Variants in SUSD1 observed in about 807,000 individuals in gnomAD.
The protein encoded by SUSD1 is sushi domain containing 1, also known as sushi domain-containing protein 1.
Under a neutral mutation model 86.9 loss-of-function variants are expected in SUSD1, and 65 were observed. The observed-to-expected ratio is 0.75, with a 90% CI of 0.61 to 0.92. The LOEUF (loss-of-function observed/expected upper bound fraction) is 0.92, where lower values mean the gene tolerates loss of function less well. Among genes scored for constraint, SUSD1 ranks in the 40% least tolerant of loss-of-function variants. SUSD1 has a pLI of 0.00. For synonymous variants in SUSD1, 346 were observed against 350.0 expected, an observed-to-expected ratio of 0.99 and a Z score of 0.13; for missense variants, 850 against 929.7, an observed-to-expected ratio of 0.91 and a Z score of 1.11.
At chr9:112,078,160 C>T (rs1295935918) in intron 12 of SUSD1, among the ~76,000 whole-genome samples, 3 of 152,110 alleles carry the variant, frequency 2.0e-5, no homozygotes, top group Non-Finnish European at 4.4e-5. Flanking sequence ...GCCTAGGCAA[C>T]ATAGTGAAAC....
At chr9:112,116,370 T>C (rs1362232355) in intron 6 of SUSD1, among the ~76,000 whole-genome samples, 1 of 152,186 alleles carries the variant, frequency 6.6e-6, no homozygotes, top group Non-Finnish European at 1.5e-5. Flanking sequence ...GCCTACAAAT[T>C]AGTTGGAAAG....
intron 1 of SUSD1, among the ~76,000 whole-genome samples, chr9:112,165,616 G>C (rs1430077982): frequency 6.6e-6 from 1 of 151,432 alleles, no homozygotes; most frequent in Non-Finnish European, 1.5e-5. Context: ...CACCATGTTG[G>C]CCAGGCTGGT....
chr9:112,089,833 GA>G (rs1830136044), intron 10 of SUSD1, among the ~76,000 whole-genome samples: 1 of 132,824 alleles, frequency 7.5e-6, no homozygotes, highest in Non-Finnish European at 1.6e-5. Flanking sequence ...AAAAAAAAAA[GA>G]AAAGAAAAGA....
intron 1 of SUSD1, among the ~76,000 whole-genome samples, chr9:112,160,461 T>C (rs112244599): frequency 0.034 from 5,171 of 152,262 alleles, 220 homozygotes; most frequent in African/African-American, 0.084. Flanking sequence ...AGAGAATCGC[T>C]TGAACCCAGA....
Position 112,078,717 on chromosome 9 carries a change from A to T in SUSD1, c.1574T>A (p.Ile525Asn). The change falls in exon 12 of 17, where the codon ATT (isoleucine) becomes AAT (asparagine). Residue 525 changes from isoleucine to asparagine, a missense_variant. Coordinates refer to ENST00000374270, the MANE Select transcript of SUSD1 (RefSeq NM_022486.5). The part of the protein sequence containing the change: ...ADMEEMYLFH[I>N]WGQRWYQKEF... ...CTTCTGATACCATCTCTGGCCCCAA[A>T]TGTGGAACTGAAACATAAAAAAGCT... The T allele has an allele frequency of 1.2e-6, 2 of 1,611,224 alleles. No homozygotes were observed. Among genetic ancestry groups the T allele is most frequent in the Non-Finnish European group, 1.7e-6 (2 of 1,177,664 alleles).
At chr9:112,048,466 T>G (rs983743529) in intron 15 of SUSD1, among the ~76,000 whole-genome samples, 6 of 152,220 alleles carry the variant, frequency 3.9e-5, no homozygotes, top group African/African-American at 1.4e-4. Flanking sequence ...GATGTAAGTC[T>G]TCTCTGGCTT....
rs1051606661 is a variant in SUSD1 at position 112,112,884 on chromosome 9, G to T, written c.887-16C>A. ...GTCAGAATTTCTAAAAGAGAAAAAG[G>T]CAGTCAACTCACAAAATGCATCAAT... On this transcript the variant is annotated splice_polypyrimidine_tract_variant and intron_variant, in intron 6 of 16. Transcript: ENST00000374270. The T allele has an allele frequency of 1.9e-6, 3 of 1,561,830 alleles. No individual in the cohort carries two copies. The highest frequency in any genetic ancestry group is 2.6e-6 in the Non-Finnish European group (3 of 1,132,972).
intron 2 of SUSD1, among the ~76,000 whole-genome samples, chr9:112,151,093 C>T (rs1380501286): frequency 6.6e-6 from 1 of 152,178 alleles, no homozygotes; most frequent in Non-Finnish European, 1.5e-5. Context: ...CAGGCACAAG[C>T]CATCGTGCCC....
At chr9:112,102,061 T>C (rs1830655013) in intron 9 of SUSD1, 115 bp downstream of exon 9, 3 of 531,880 alleles carry the variant, frequency 5.6e-6, no homozygotes, top group African/African-American at 2.0e-5. Context: ...GAAACAACAA[T>C]CACAAACTGT....
At chr9:112,094,458 A>T (rs1047419656) in intron 10 of SUSD1, among the ~76,000 whole-genome samples, 1 of 152,196 alleles carries the variant, frequency 6.6e-6, no homozygotes, top group Non-Finnish European at 1.5e-5. Context: ...TCTAGATAAG[A>T]AACTCTTTGG....
chr9:112,108,156 A>G (rs569121435), intron 8 of SUSD1, among the ~76,000 whole-genome samples: 29 of 152,376 alleles, frequency 1.9e-4, no homozygotes, highest in Middle Eastern at 3.4e-3. Flanking sequence ...AATAGTAATT[A>G]TATAATGCTT....
At chr9:112,174,393 C>A (rs1025201144) in intron 1 of SUSD1, among the ~76,000 whole-genome samples, 1 of 152,154 alleles carries the variant, frequency 6.6e-6, no homozygotes, top group Admixed American at 6.5e-5. Context: ...ATGAATGTCA[C>A]CTCCCCTGCG....
chr9:112,105,028 T>G (rs1440011926), intron 8 of SUSD1: 1 of 151,476 alleles, frequency 6.6e-6, no homozygotes, highest in East Asian at 1.9e-4. Context: ...AGATAAAGGA[T>G]TAGATAATAA....
At chr9:112,065,553 C>G (rs1165561186) in intron 12 of SUSD1, among the ~76,000 whole-genome samples, 2 of 152,086 alleles carry the variant, frequency 1.3e-5, no homozygotes, top group Non-Finnish European at 2.9e-5. Flanking sequence ...CACTGAATCC[C>G]CAAAGATTTT....
intron 1 of SUSD1, among the ~76,000 whole-genome samples, chr9:112,162,133 A>G (rs1448976772): frequency 6.6e-6 from 1 of 152,238 alleles, no homozygotes; most frequent in African/African-American, 2.4e-5. Flanking sequence ...GTTTTAACAA[A>G]TGTAGACAAC....
chr9:112,057,894 C>G (rs79673417), intron 14 of SUSD1, among the ~76,000 whole-genome samples: 10 of 152,256 alleles, frequency 6.6e-5, no homozygotes, highest in Non-Finnish European at 1.5e-4. Context: ...TAATGCAGCT[C>G]CATGATGTTT....
chr9:112,063,753 G>A (rs1037955142), intron 12 of SUSD1, among the ~76,000 whole-genome samples: 1 of 152,178 alleles, frequency 6.6e-6, no homozygotes, highest in African/African-American at 2.4e-5. Context: ...TCTGCCTTGT[G>A]GGTAACACGC....
At chr9:112,107,435 C>T (rs1054070086) in intron 8 of SUSD1, among the ~76,000 whole-genome samples, 63 of 151,924 alleles carry the variant, frequency 4.1e-4, no homozygotes, top group African/African-American at 1.4e-3. Context: ...GGCGACACAG[C>T]GAGATTCTGC....
intron 10 of SUSD1, among the ~76,000 whole-genome samples, chr9:112,091,844 G>C (rs1450574240): frequency 6.6e-6 from 1 of 152,120 alleles, no homozygotes; most frequent in Non-Finnish European, 1.5e-5. Flanking sequence ...TTTTTCTTTA[G>C]ACAAATTTGG....
Sources: gnomAD v4.1 joint callset for allele counts (sites outside exome capture counted in the v4.1 genomes callset) on GRCh38, gnomAD v4.1.1 for gene constraint, MANE v1.5 for transcripts, NCBI Gene and HGNC (gene_info 2026-07-23, HGNC 2026-07-21) for gene names.